Variants in CBFA2T3 observed in about 807,000 individuals in gnomAD.
CBFA2T3 encodes transcriptional corepressor CBFA2T3.
In CBFA2T3, 31 loss-of-function variants were observed where a neutral mutation model predicts 58.6. That is an observed-to-expected ratio of 0.53 (90% CI 0.40 to 0.71). The LOEUF is 0.71. Among genes scored for constraint, CBFA2T3 ranks in the 30% least tolerant of loss-of-function variants. The pLI is 0.00. For missense variants in CBFA2T3, 1,076 were observed against 963.1 expected, an observed-to-expected ratio of 1.12 and a Z score of -1.55; for synonymous variants, 531 against 421.9, an observed-to-expected ratio of 1.26 and a Z score of -3.17.
chr16:88,912,416 C>T (rs970774189), intron 1 of CBFA2T3, among the ~76,000 whole-genome samples: 6 of 152,254 alleles, frequency 3.9e-5, no homozygotes, highest in East Asian at 1.9e-4. Context: ...CTGTCCCTCC[C>T]GTTGGCCTCA....
At chr16:88,915,706 G>T (rs2142717932) in intron 1 of CBFA2T3, among the ~76,000 whole-genome samples, 1 of 105,586 alleles carries the variant, frequency 9.5e-6, no homozygotes, top group Non-Finnish European at 2.0e-5. Flanking sequence ...AGCGTGGACG[G>T]GGGGAGCGTG....
intron 1 of CBFA2T3, among the ~76,000 whole-genome samples, chr16:88,944,112 C>T (rs35623095): frequency 0.023 from 3,519 of 152,134 alleles, 55 homozygotes; most frequent in Middle Eastern, 0.044. Flanking sequence ...CCGAGGCCGG[C>T]GGATCATGAG....
chr16:88,879,123 T>G (rs1181456648), intron 11 of CBFA2T3, 147 bp downstream of exon 11: 1 of 671,056 alleles, frequency 1.5e-6, no homozygotes, highest in Non-Finnish European at 2.6e-6. Flanking sequence ...TAAAGCACAG[T>G]GTGGGCGGGG....
At chr16:88,928,108 C>T (rs3809590) in intron 1 of CBFA2T3, among the ~76,000 whole-genome samples, 10 of 152,202 alleles carry the variant, frequency 6.6e-5, no homozygotes, top group East Asian at 3.9e-4. Flanking sequence ...CTGGCCACCA[C>T]GGGGCCATCA....
At chr16:88,895,887 A>G (rs577984846) in intron 3 of CBFA2T3, among the ~76,000 whole-genome samples, 1 of 152,264 alleles carries the variant, frequency 6.6e-6, no homozygotes, top group South Asian at 2.1e-4. Flanking sequence ...CTCGGCGCCT[A>G]GCCTCAGTTT....
At chr16:88,886,935 C>T (rs1320192992) in intron 5 of CBFA2T3, 1 of 152,282 alleles carries the variant, frequency 6.6e-6, no homozygotes, top group Non-Finnish European at 1.5e-5. Context: ...GCGCCCGCCG[C>T]CTCGTCCTTG....
In CBFA2T3 at chr16:88,920,443, ATTTTTT is replaced by A. The variant is rs368094716; in HGVS notation, c.152-18793_152-18788del. ...AGGTGCCCACCACCATACCCGGCCA[ATTTTTT>A]TTTTTTTTTTTTTTAAATAGAGACT... On this transcript the variant is annotated intron_variant, in intron 1 of 11. Transcript: ENST00000268679. 3.6e-5 allele frequency among the ~76,000 whole-genome samples: 5 copies of A among 138,884 alleles called. No homozygotes were observed. In the South Asian group the frequency reaches 9.3e-4, roughly 26 times the overall value. The allele number at this position is 138,884 out of a possible 152,430, so 91.1% of individuals were successfully genotyped here. A position where few individuals can be genotyped will look rare whatever the true frequency, so the allele number is the denominator to read the frequency against.
intron 1 of CBFA2T3, among the ~76,000 whole-genome samples, chr16:88,923,419 C>T (rs1383399538): frequency 6.6e-6 from 1 of 152,258 alleles, no homozygotes; most frequent in Non-Finnish European, 1.5e-5. Flanking sequence ...GCACAGAGAC[C>T]TCAAGCTGAG....
At position 88,885,666 on chromosome 16, in the gene CBFA2T3, C is replaced by T. The variant is rs182465111; in HGVS notation, c.893+295G>A. ...AGCCCAGGCACCTGGGGACCATGGA[C>T]CCCGGACGCTCGGAGTCCATGCCCG... On this transcript the variant is annotated intron_variant, in intron 6 of 11. Coordinates refer to ENST00000268679, the MANE Select transcript of CBFA2T3 (RefSeq NM_005187.6). This position sits in a 1 kb window ranked among gnomAD's most constrained non-coding sequence, Gnocchi z 5.3. 2,237 of 453,592 alleles carry T rather than the reference C, an allele frequency of 4.9e-3. 10 individuals are homozygous for T. The highest frequency in any genetic ancestry group is 7.2e-3 in the Non-Finnish European group (1,817 of 253,094). 28.1% of individuals were successfully genotyped at this position (453,592 alleles called of 1,614,324 possible).
intron 1 of CBFA2T3, among the ~76,000 whole-genome samples, chr16:88,975,263 C>CACCTGCAGCCATGTCAGAGGTCCACCCTG (rs1555546871): frequency 8.4e-6 from 1 of 119,216 alleles, no homozygotes; most frequent in Non-Finnish European, 2.0e-5. Context: ...CCCTCTGTTT[C>CACCTGCAGCCATGTCAGAGGTCCACCCTG]ATGCCTCTAG....
chr16:88,960,816 A>G (rs1452799049), intron 1 of CBFA2T3, among the ~76,000 whole-genome samples: 1 of 152,240 alleles, frequency 6.6e-6, no homozygotes, highest in Non-Finnish European at 1.5e-5. Flanking sequence ...TGCAGCTGAC[A>G]TAATCCTATT....
chr16:88,923,500 T>C (rs1214167958), intron 1 of CBFA2T3, among the ~76,000 whole-genome samples: 2 of 152,250 alleles, frequency 1.3e-5, no homozygotes, highest in African/African-American at 2.4e-5. Context: ...GGCTGTTTGT[T>C]TGGGGCCTTT....
intron 1 of CBFA2T3, among the ~76,000 whole-genome samples, chr16:88,903,661 G>C (rs1470538206): frequency 3.2e-5 from 2 of 62,364 alleles, no homozygotes; most frequent in African/African-American, 1.4e-4. Context: ...TTCCCGGCTG[G>C]GGGGGGGGGC....
At chr16:88,966,692 T>C (rs115732261) in intron 1 of CBFA2T3, among the ~76,000 whole-genome samples, 2,191 of 143,820 alleles carry the variant, frequency 0.015, 60 homozygotes, top group African/African-American at 0.052. Context: ...CTGCCTGCCA[T>C]CACCAACACC....
intron 1 of CBFA2T3, chr16:88,951,307 G>A (rs1197340088): frequency 6.6e-6 from 3 of 454,450 alleles, no homozygotes; most frequent in Middle Eastern, 3.2e-4. Context: ...ACAGAGGGTC[G>A]AGTGTTGGCA....
intron 2 of CBFA2T3, 129 bp downstream of exon 2, chr16:88,901,375 A>G (rs1970091025): frequency 1.9e-6 from 1 of 530,600 alleles, no homozygotes; most frequent in African/African-American, 2.0e-5. Flanking sequence ...TCTGGGCCAC[A>G]CGAGCTCCTC....
intron 1 of CBFA2T3, among the ~76,000 whole-genome samples, chr16:88,906,131 C>A (rs141304213): frequency 2.0e-5 from 3 of 152,134 alleles, no homozygotes; most frequent in Non-Finnish European, 2.9e-5. Context: ...TATCCCTGCA[C>A]CCCCAAGCAG....
chr16:88,888,955 C>A (rs940858536), intron 5 of CBFA2T3, among the ~76,000 whole-genome samples: 12 of 151,706 alleles, frequency 7.9e-5, no homozygotes, highest in Non-Finnish European at 1.2e-4. Context: ...CCGGGGGACA[C>A]CAGGGCCTGA....
chr16:88,944,731 A>G (rs1041418703), intron 1 of CBFA2T3, among the ~76,000 whole-genome samples: 1 of 152,254 alleles, frequency 6.6e-6, no homozygotes, highest in Admixed American at 6.5e-5. Context: ...GCGTCCCTGC[A>G]CTGTCACCTC....
Sources: allele counts gnomAD v4.1 joint callset (sites outside exome capture counted in the v4.1 genomes callset), GRCh38; gene constraint gnomAD v4.1.1; non-coding constraint Gnocchi (gnomAD v3.1); transcripts MANE v1.5; gene names NCBI Gene and HGNC (gene_info 2026-07-23, HGNC 2026-07-21).